The following CLCA2 variants were observed in gnomAD, a reference collection of about 807,000 sequenced individuals.
CLCA2 encodes calcium-activated chloride channel regulator 2.
CLCA2 carries 85 observed loss-of-function variants against 82.9 expected under a neutral mutation model. That is an observed-to-expected ratio of 1.03 (90% confidence interval 0.86 to 1.23). The LOEUF is 1.23. Ranked by LOEUF, CLCA2 falls within the 50% of genes most tolerant of loss-of-function variation. CLCA2 has a pLI of 0.00. For missense variants in CLCA2, 1,089 were observed against 1,124.8 expected (o/e 0.97, Z 0.45); for synonymous variants, 421 against 391.7 (o/e 1.07, Z -0.88).
chr1:86,455,813 T>C lies in CLCA2; in HGVS notation c.*286T>C, dbSNP rs950329920. The C allele has an allele frequency of 5.6e-6, 1 of 178,080 alleles. No individual in the cohort carries two copies. The highest frequency in any genetic ancestry group is 2.4e-5 in the African/African-American group (1 of 42,460). The allele number at this position is 178,080 out of a possible 1,614,324, so 11.0% of individuals were successfully genotyped here. On this transcript the variant is annotated 3_prime_UTR_variant, in exon 14 of 14. Transcript: ENST00000370565. ...CGGACCAGTGTCAAGGAAAGTTTGT[T>C]TTATTGAGGTGGAAAAATAGCCCCA...
chr1:86,440,819 A>G (rs1662714859), intron 8 of CLCA2, among the ~76,000 whole-genome samples: 1 of 152,012 alleles, frequency 6.6e-6, no homozygotes, highest in Admixed American at 6.6e-5. Flanking sequence ...GAGAATCACT[A>G]GAACTCAGGA....
At chr1:86,437,729 A>G (rs954377608) in intron 6 of CLCA2, among the ~76,000 whole-genome samples, 4 of 152,126 alleles carry the variant, frequency 2.6e-5, no homozygotes, top group African/African-American at 7.2e-5. Context: ...GTTCAAGAAT[A>G]TGGAGGCTGG....
In CLCA2 at chr1:86,450,686, C is replaced by T; in HGVS notation, c.2108C>T (p.Ser703Phe). 1 of 1,613,194 alleles carries T rather than the reference C, an allele frequency of 6.2e-7. No individual in the cohort carries two copies. The highest frequency in any genetic ancestry group is 1.7e-5 in the Admixed American group (1 of 59,942). ...CCCAGCATAAGCACCCCAGCCCACTCTATTCCAGGGAGTCATGCTATGTAT... is the reference window on the plus strand; with the variant it reads ...CCCAGCATAAGCACCCCAGCCCACTTTATTCCAGGGAGTCATGCTATGTAT... ...HSPSISTPAH[S>F]IPGSHAMYVP... Residue 703 changes from serine (S) to phenylalanine (F), a missense_variant, in exon 12 of 14, where the codon TCT becomes TTT. Transcript: ENST00000370565.
At chr1:86,447,994 T>C (rs905694907) in intron 11 of CLCA2, 2 of 581,372 alleles carry the variant, frequency 3.4e-6, no homozygotes, top group African/African-American at 1.9e-5. Flanking sequence ...ATAGTGTCTA[T>C]GTTTGAGCAA....
At chr1:86,429,430 A>G (rs988066411) in intron 3 of CLCA2, among the ~76,000 whole-genome samples, 1 of 152,238 alleles carries the variant, frequency 6.6e-6, no homozygotes, top group Non-Finnish European at 1.5e-5. Context: ...GGCACACACC[A>G]GGTTTTTGTC....
intron 12 of CLCA2, among the ~76,000 whole-genome samples, chr1:86,452,671 A>G: frequency 6.6e-6 from 1 of 152,124 alleles, no homozygotes; most frequent in East Asian, 1.9e-4. Context: ...GTTCCTACTC[A>G]ACCTTTAGGA....
chr1:86,434,494 A>T (rs1478391126), intron 5 of CLCA2, 24 bp from the exon 6 acceptor site: 1 of 1,596,148 alleles, frequency 6.3e-7, no homozygotes, highest in Non-Finnish European at 8.6e-7. Flanking sequence ...GCCTCTCTTT[A>T]TTAAAGACTG....
Position 86,443,878 on chromosome 1 carries a change from T to C in CLCA2, c.1580T>C (p.Leu527Pro). ...ACTGTGGGCAACGACACTATGTTTC[T>C]AGTTACGTGGCAGGCCAGTGGTCCT... ...DNTVGNDTMFLVTWQASGPPE... is the reference protein window; with the variant it reads ...DNTVGNDTMFPVTWQASGPPE... Residue 527 changes from leucine to proline, a missense_variant, in exon 10 of 14, where the codon CTA (leucine) becomes CCA (proline). Physicochemically the swap from Leu to Pro is moderately conservative, Grantham distance 98. Coordinates refer to ENST00000370565, the MANE Select transcript of CLCA2 (RefSeq NM_006536.7). 1 of 1,614,022 alleles carries C rather than the reference T, an allele frequency of 6.2e-7. No homozygotes were observed. Among genetic ancestry groups the C allele is most frequent in the Non-Finnish European group, 8.5e-7 (1 of 1,179,888 alleles).
intron 10 of CLCA2, among the ~76,000 whole-genome samples, chr1:86,444,878 T>TG (rs982823466): frequency 1.9e-4 from 26 of 138,188 alleles, no homozygotes; most frequent in Admixed American, 8.5e-4. Flanking sequence ...CCACCCCCAC[T>TG]TTTGTTGTTG....
In CLCA2 at chr1:86,447,511, G is replaced by A; in HGVS notation, c.1717G>A (p.Gly573Arg). 6.2e-7 allele frequency: 1 copy of A among 1,612,794 alleles called. No individual in the cohort carries two copies. Among genetic ancestry groups the A allele is most frequent in the Non-Finnish European group, 8.5e-7 (1 of 1,179,120 alleles). ...SLWIPGTAKP[G>R]HWTYTLNNTH... ...AACAATAAGACTTGTTTTACAGCCT[G>A]GGCACTGGACTTACACCCTGAACAA... Residue 573 changes from glycine to arginine, a missense_variant, in exon 11 of 14, where the codon GGG (glycine) becomes AGG (arginine). Transcript: ENST00000370565.
intron 5 of CLCA2, 37 bp downstream of exon 5, chr1:86,432,565 T>C (rs761596690): frequency 4.4e-6 from 7 of 1,586,862 alleles, no homozygotes; most frequent in South Asian, 1.1e-5. Flanking sequence ...TCTTGCAGGA[T>C]TCCTTCTCTT....
In CLCA2 at chr1:86,455,608, AACATCAAAACTG is replaced by A; in HGVS notation, c.*82_*93del. 1.1e-6 allele frequency: 1 copy of A among 880,852 alleles called. No individual in the cohort carries two copies. The highest frequency in any genetic ancestry group is 1.6e-6 in the Non-Finnish European group (1 of 627,212). The allele number at this position is 880,852 out of a possible 1,614,324, so 54.6% of individuals were successfully genotyped here. A position where few individuals can be genotyped will look rare whatever the true frequency, so the allele number is the denominator to read the frequency against. The stretch of plus-strand genomic sequence containing the variant: ...AAAAACATACTAACAAAGTCAAATT[AACATCAAAACTG>A]TATTAAAATGCATTGAGTTTTTGTA... On this transcript the variant is annotated 3_prime_UTR_variant, in exon 14 of 14. Coordinates refer to ENST00000370565, the MANE Select transcript of CLCA2 (RefSeq NM_006536.7).
chr1:86,441,476 A>G lies in CLCA2; in HGVS notation c.1421A>G (p.Asn474Ser). The part of the protein sequence containing the change: ...KFFVPDISNS[N>S]SMIDAFSRIS... ...TTTGTTCCAGATATATCAAACTCCA[A>G]TAGCATGATTGATGCTTTCAGTAGA... is the stretch of plus-strand genomic sequence containing the variant. Residue 474 changes from asparagine (N) to serine (S), a missense_variant, in exon 9 of 14, where the codon AAT becomes AGT. Transcript: ENST00000370565. 6.2e-7 allele frequency: 1 copy of G among 1,611,338 alleles called. No individual in the cohort carries two copies. The highest frequency in any genetic ancestry group is 8.5e-7 in the Non-Finnish European group (1 of 1,177,904).
At chr1:86,437,492 C>A (rs1167777867) in intron 6 of CLCA2, among the ~76,000 whole-genome samples, 20 of 152,074 alleles carry the variant, frequency 1.3e-4, no homozygotes, top group Admixed American at 1.3e-3. Context: ...TTCAACTAGG[C>A]GCTTGCTAGG....
intron 6 of CLCA2, among the ~76,000 whole-genome samples, chr1:86,436,845 C>T (rs1162569296): frequency 6.6e-6 from 1 of 152,192 alleles, no homozygotes; most frequent in East Asian, 1.9e-4. Flanking sequence ...TCCCTAGTAG[C>T]TGGGATTACA....
At chr1:86,442,348 C>T (rs1346070322) in intron 9 of CLCA2, among the ~76,000 whole-genome samples, 2 of 152,126 alleles carry the variant, frequency 1.3e-5, no homozygotes, top group African/African-American at 4.8e-5. Flanking sequence ...AATCTTTATG[C>T]CCTGTGACTT....
At position 86,441,418 on chromosome 1, in the gene CLCA2, C is replaced by T. The variant is rs150380012; in HGVS notation, c.1382-19C>T. 1.5e-4 allele frequency: 221 copies of T among 1,433,388 alleles called. No individual in the cohort carries two copies. The African/African-American group carries it at 2.8e-3, about 18-fold the overall frequency. The allele number at this position is 1,433,388 out of a possible 1,614,324, so 88.8% of individuals were successfully genotyped here. On this transcript the variant is annotated intron_variant, in intron 8 of 13. Coordinates refer to ENST00000370565, the MANE Select transcript of CLCA2 (RefSeq NM_006536.7). ...ATTTTACCCATTTTAATAGTGAACA[C>T]TCCTATCATGTATTTCAGGAGGTTT...
At chr1:86,430,771 G>C (rs146906197) in intron 3 of CLCA2, 91 bp from the exon 4 acceptor site, 3 of 916,556 alleles carry the variant, frequency 3.3e-6, no homozygotes, top group Non-Finnish European at 1.8e-6. Flanking sequence ...CAAAGAGTAT[G>C]TGTGGTCAAG....
intron 11 of CLCA2, 112 bp downstream of exon 11, chr1:86,447,890 T>TA (rs1662888605): frequency 2.7e-6 from 3 of 1,116,104 alleles, no homozygotes; most frequent in Admixed American, 5.4e-5. Flanking sequence ...AATTTTTTTT[T>TA]AATCTTACAA....
Sources: allele counts gnomAD v4.1 joint callset (sites outside exome capture counted in the v4.1 genomes callset), GRCh38; gene constraint gnomAD v4.1.1; transcripts MANE v1.5; gene names NCBI Gene and HGNC (gene_info 2026-07-23, HGNC 2026-07-21).